Variants in RHPN1 observed in about 807,000 individuals in gnomAD.
The protein encoded by RHPN1 is rhophilin Rho GTPase binding protein 1.
RHPN1 carries 77 observed loss-of-function variants against 74.7 expected under a neutral mutation model. The ratio of observed to expected loss-of-function variants is 1.03; its 90% CI spans 0.86 to 1.25. RHPN1 has a LOEUF of 1.25. Ranked by LOEUF, RHPN1 falls within the 50% of genes most tolerant of loss-of-function variation. RHPN1 has a pLI of 0.00. For missense variants in RHPN1, 987 were observed against 932.2 expected (o/e 1.06, Z -0.77); for synonymous variants, 444 against 414.5 (o/e 1.07, Z -0.87).
chr8:143,366,231 C>T (rs1817553987), upstream of RHPN1, among the ~76,000 whole-genome samples: 1 of 152,092 alleles, frequency 6.6e-6, no homozygotes. Context: ...GCGCTCACTG[C>T]CGTGCCCCTC....
chr8:143,367,636 C>G (rs1817587353), upstream of RHPN1: 1 of 152,232 alleles, frequency 6.6e-6, no homozygotes, highest in South Asian at 2.1e-4. Context: ...GGATTTAGAT[C>G]TGGGGATGAC....
At chr8:143,365,866 G>T (rs1047326182), upstream of RHPN1, among the ~76,000 whole-genome samples, 1 of 151,856 alleles carries the variant, frequency 6.6e-6, no homozygotes, top group African/African-American at 2.4e-5. Context: ...ATGTGGTGGC[G>T]CATGCAAGCG....
intron 11 of RHPN1, 91 bp downstream of exon 11, chr8:143,380,874 T>A (rs1818676678): frequency 1.9e-6 from 2 of 1,053,574 alleles, no homozygotes; most frequent in African/African-American, 3.2e-5. Flanking sequence ...GCATTAAAGA[T>A]GCAGTCACCA....
At chr8:143,380,893 T>A in intron 11 of RHPN1, 110 bp downstream of exon 11, 1 of 909,442 alleles carries the variant, frequency 1.1e-6, no homozygotes, top group Non-Finnish European at 1.6e-6. Flanking sequence ...CACGATGAAT[T>A]AAACAGCAGT....
intron 10 of RHPN1, 108 bp downstream of exon 10, chr8:143,380,283 C>T (rs924469358): frequency 1.4e-5 from 11 of 813,920 alleles, no homozygotes; most frequent in African/African-American, 1.0e-4. Flanking sequence ...CCCGTGCTGA[C>T]GAGTTGGGCC....
intron 3 of RHPN1, 113 bp downstream of exon 3, chr8:143,376,766 G>C (rs1315550169): frequency 2.5e-6 from 3 of 1,183,134 alleles, no homozygotes; most frequent in African/African-American, 1.5e-5. Context: ...TGCATTGTCT[G>C]TGTGTGTGCG....
At chr8:143,374,903 C>T (rs1003111754) in intron 1 of RHPN1, among the ~76,000 whole-genome samples, 2 of 152,204 alleles carry the variant, frequency 1.3e-5, no homozygotes, top group African/African-American at 4.8e-5. Flanking sequence ...GGCAGGGCCG[C>T]GGGGCTGCAG....
intron 3 of RHPN1, 127 bp downstream of exon 3, chr8:143,376,780 G>A: frequency 1.9e-6 from 2 of 1,067,636 alleles, no homozygotes; most frequent in South Asian, 1.5e-5. Flanking sequence ...GTGTGCGTGT[G>A]TGCATGTGTG....
In RHPN1 at chr8:143,380,743, G is replaced by A; in HGVS notation, c.1371G>A (p.Glu457=). The A allele has an allele frequency of 6.3e-7, 1 of 1,593,716 alleles. No individual in the cohort carries two copies. The part of the protein sequence containing the change: ...SLAKYAELDR[E]DDFCEAAEAP... Reference sequence around the variant, plus strand: ...CCAAGTATGCGGAGCTCGACCGTGAGGATGACTTCTGTGAGGCTGCCGAGG... The same window carrying A: ...CCAAGTATGCGGAGCTCGACCGTGAAGATGACTTCTGTGAGGCTGCCGAGG... Residue 457 remains glutamate, a synonymous_variant, in exon 11 of 15, where the codon GAG becomes GAA. Transcript: ENST00000289013.
At chr8:143,368,392 A>T (rs1210508215), upstream of RHPN1, 1 of 152,794 alleles carries the variant, frequency 6.5e-6, no homozygotes, top group African/African-American at 2.4e-5. Flanking sequence ...AACCGTTTTT[A>T]AAAACCCCAT....
chr8:143,365,911 T>C (rs1817551326), upstream of RHPN1, among the ~76,000 whole-genome samples: 1 of 151,488 alleles, frequency 6.6e-6, no homozygotes, highest in South Asian at 2.1e-4. Flanking sequence ...GTGGGAGGAT[T>C]GCCTGAGCCT....
rs1267558038 is a variant in RHPN1 at position 143,384,188 on chromosome 8, G to A, written c.*1537G>A. On this transcript the variant is annotated 3_prime_UTR_variant, in exon 15 of 15. Transcript: ENST00000289013. ...GGTCACGCAGGTCTCCCCAGCACGT[G>A]TTAATTTGGTTAATAAAACTGTGGA... The A allele has an allele frequency of 6.7e-6, 1 of 148,358 alleles. No individual in the cohort carries two copies. The highest frequency in any genetic ancestry group is 1.5e-5 in the Non-Finnish European group (1 of 66,062). 9.2% of individuals were successfully genotyped at this position (148,358 alleles called of 1,614,324 possible).
In RHPN1 at chr8:143,378,734, G is replaced by T; in HGVS notation, c.498G>T (p.Glu166Asp). 6.3e-7 allele frequency: 1 copy of T among 1,593,136 alleles called. No individual in the cohort carries two copies. The stretch of plus-strand genomic sequence containing the variant: ...CCAGCCGGAATGAGTCGGGCCTGGA[G>T]CTGCTCACAGCCTATTACAACCAGC... ...RTPSRNESGLELLTAYYNQLC... is the reference protein window; with the variant it reads ...RTPSRNESGLDLLTAYYNQLC... The change falls in exon 6 of 15, where the codon GAG becomes GAT. Residue 166 changes from glutamate to aspartate, a missense_variant. By Grantham distance (45) the Glu-to-Asp change is conservative. Coordinates refer to ENST00000289013, the MANE Select transcript of RHPN1 (RefSeq NM_052924.3).
chr8:143,381,532 T>C (rs1370079267), intron 12 of RHPN1, 40 bp from the exon 13 acceptor site: 1 of 1,583,594 alleles, frequency 6.3e-7, no homozygotes, highest in Non-Finnish European at 8.5e-7. Context: ...CTCCTCAGTG[T>C]GTGGCCCAGC....
chr8:143,374,091 C>G, intron 1 of RHPN1: 1 of 977,764 alleles, frequency 1.0e-6, no homozygotes, highest in Non-Finnish European at 1.2e-6. Flanking sequence ...AATTAAAATG[C>G]ACACAAAGAT....
At chr8:143,376,259 G>A (rs1391580012) in intron 2 of RHPN1, among the ~76,000 whole-genome samples, 2 of 152,262 alleles carry the variant, frequency 1.3e-5, no homozygotes, top group South Asian at 2.1e-4. Context: ...AAAGAAAGCC[G>A]TGGTGCTGAG....
chr8:143,364,730 T>C (rs1343300456), upstream of RHPN1, among the ~76,000 whole-genome samples: 2 of 152,174 alleles, frequency 1.3e-5, no homozygotes, highest in African/African-American at 4.8e-5. This position sits in a 1 kb window ranked among gnomAD's most constrained non-coding sequence, Gnocchi z 4.5. Flanking sequence ...GCCAGGTGCA[T>C]CTTTTACTAA....
intron 6 of RHPN1, 44 bp downstream of exon 6, chr8:143,378,864 A>G (rs770453853): frequency 6.4e-7 from 1 of 1,571,516 alleles, no homozygotes; most frequent in East Asian, 2.4e-5. Context: ...GGGGAGGCCC[A>G]GCTGCGGGAA....
In RHPN1 at chr8:143,378,937, G is replaced by T; in HGVS notation, c.610G>T (p.Ala204Ser). Reference protein sequence around the residue: ...HWYDSLTGVPAQQRALAFEKG... With the variant: ...HWYDSLTGVPSQQRALAFEKG... The stretch of plus-strand genomic sequence containing the variant: ...GTACGACTCGCTTACTGGGGTCCCG[G>T]CCCAGCAGCGTGCCCTGGCCTTCGA... The change falls in exon 7 of 15, where the codon GCC (alanine) becomes TCC (serine). Residue 204 changes from alanine (A) to serine (S), a missense_variant. By Grantham distance (99) the Ala-to-Ser change is moderately conservative. Transcript: ENST00000289013. 1 of 1,581,780 alleles carries T rather than the reference G, an allele frequency of 6.3e-7. No individual in the cohort carries two copies. The highest frequency in any genetic ancestry group is 1.8e-5 in the Admixed American group (1 of 56,088).
Sources: gnomAD v4.1 joint callset for allele counts (sites outside exome capture counted in the v4.1 genomes callset) on GRCh38, gnomAD v4.1.1 for gene constraint, Gnocchi (gnomAD v3.1) non-coding constraint, MANE v1.5 for transcripts, NCBI Gene and HGNC (gene_info 2026-07-23, HGNC 2026-07-21) for gene names.